RAPGEF6: variants seen among roughly 807,000 people sequenced by gnomAD.
RAPGEF6 encodes Rap guanine nucleotide exchange factor 6, also known as PDZ domain containing guanine nucleotide exchange factor (GEF) 2.
RAPGEF6 carries 56 observed loss-of-function variants against 171.4 expected under a neutral mutation model. The ratio of observed to expected loss-of-function variants is 0.33; its 90% CI spans 0.26 to 0.41. RAPGEF6 has a LOEUF of 0.41. Among genes scored for constraint, RAPGEF6 ranks in the 10% least tolerant of loss-of-function variants. The probability of loss-of-function intolerance (pLI) is 1.00; values close to 1 mark genes in which losing one functional copy is unlikely to be tolerated. For synonymous variants in RAPGEF6, 692 were observed against 650.1 expected (o/e 1.06, Z -0.98); for missense variants, 1,674 against 1,921.4 (o/e 0.87, Z 2.41).
At chr5:131,604,140 T>A (rs2150015898) in intron 2 of RAPGEF6, among the ~76,000 whole-genome samples, 1 of 152,260 alleles carries the variant, frequency 6.6e-6, no homozygotes, top group South Asian at 2.1e-4. Context: ...TTCACTTGTA[T>A]AATACAACAC....
chr5:131,464,116 G>A lies in RAPGEF6; in HGVS notation c.2405C>T (p.Pro802Leu), dbSNP rs768081878. Residue 802 changes from proline to leucine, a missense_variant, in exon 18 of 28, where the codon CCT becomes CTT. Transcript: ENST00000509018. ...TYSLCEVSVT[P>L]EGVIKQRRLP... ...TCTTCTCTGTTTTATGACACCCTCA[G>A]GAGTAACAGAAACTTCACAGAGAGA... is the stretch of plus-strand genomic sequence containing the variant. 6.2e-7 allele frequency: 1 copy of A among 1,613,846 alleles called. No homozygotes were observed. Among genetic ancestry groups the A allele is most frequent in the Non-Finnish European group, 8.5e-7 (1 of 1,179,866 alleles).
At position 131,472,814 on chromosome 5, in the gene RAPGEF6, T is replaced by C. The variant is rs143362365; in HGVS notation, c.2082-70A>G. 1.6e-5 allele frequency: 22 copies of C among 1,371,142 alleles called. No homozygotes were observed. The Middle Eastern group carries it at 7.9e-4, about 49-fold the overall frequency. The allele number at this position is 1,371,142 out of a possible 1,614,324, so 84.9% of individuals were successfully genotyped here. On this transcript the variant is annotated intron_variant, in intron 16 of 27. Coordinates refer to ENST00000509018, the MANE Select transcript of RAPGEF6 (RefSeq NM_016340.6). Reference sequence around the variant, plus strand: ...TTAAGTAGTAAACGTTTCTGTTCCCTGTGCACTAAGGCATAAAAGAACCAA... The same window carrying C: ...TTAAGTAGTAAACGTTTCTGTTCCCCGTGCACTAAGGCATAAAAGAACCAA...
chr5:131,612,171 A>G (rs1208978487), intron 1 of RAPGEF6, among the ~76,000 whole-genome samples: 1 of 147,236 alleles, frequency 6.8e-6, no homozygotes, highest in Admixed American at 6.8e-5. Flanking sequence ...AGTGGCTGGG[A>G]CTACAGGCGT....
intron 27 of RAPGEF6, among the ~76,000 whole-genome samples, chr5:131,428,614 T>C (rs2149803237): frequency 6.6e-6 from 1 of 152,036 alleles, no homozygotes; most frequent in East Asian, 1.9e-4. Context: ...GCATGCGCCA[T>C]AATGCCTGGC....
chr5:131,619,205 A>G (rs1424317551), intron 1 of RAPGEF6, among the ~76,000 whole-genome samples: 1 of 150,726 alleles, frequency 6.6e-6, no homozygotes, highest in Non-Finnish European at 1.5e-5. Flanking sequence ...TCAGCAAACT[A>G]ACACAGGAAC....
At chr5:131,594,696 T>G (rs754894297) in intron 3 of RAPGEF6, among the ~76,000 whole-genome samples, 1 of 152,232 alleles carries the variant, frequency 6.6e-6, no homozygotes, top group Non-Finnish European at 1.5e-5. Context: ...GGGGCAGAGC[T>G]GCTCAAGGCC....
chr5:131,427,058 T>A lies in RAPGEF6; in HGVS notation c.*208A>T, dbSNP rs143968449. The A allele has an allele frequency of 8.3e-6, 5 of 600,110 alleles. No individual in the cohort carries two copies. The highest frequency in any genetic ancestry group is 1.5e-5 in the Non-Finnish European group (5 of 341,042). The allele number at this position is 600,110 out of a possible 1,614,324, so 37.2% of individuals were successfully genotyped here. ...TGGAGACTGGTATCCAGGCATAGCA[T>A]CCATTGCTCAGGAAACTATTTATCT... On this transcript the variant is annotated 3_prime_UTR_variant, in exon 28 of 28. Coordinates refer to ENST00000509018, the MANE Select transcript of RAPGEF6 (RefSeq NM_016340.6).
chr5:131,512,491 T>C (rs997826549), intron 7 of RAPGEF6, among the ~76,000 whole-genome samples: 7 of 151,958 alleles, frequency 4.6e-5, no homozygotes, highest in African/African-American at 1.7e-4. Flanking sequence ...CACTGGCCTT[T>C]TGGCTTTTGT....
intron 21 of RAPGEF6, among the ~76,000 whole-genome samples, chr5:131,450,979 T>C (rs989767617): frequency 2.0e-5 from 3 of 152,194 alleles, no homozygotes; most frequent in Non-Finnish European, 4.4e-5. Context: ...AAATTCATCA[T>C]GTCTTCAGGA....
chr5:131,628,153 G>A (rs144180925), intron 1 of RAPGEF6, among the ~76,000 whole-genome samples: 114 of 152,218 alleles, frequency 7.5e-4, no homozygotes, highest in South Asian at 6.2e-3. Context: ...AGCTAGAAAT[G>A]ATTAAACTTA....
At chr5:131,585,321 CATACATACATACATAT>C (rs1388812528) in intron 4 of RAPGEF6, among the ~76,000 whole-genome samples, 74 of 147,516 alleles carry the variant, frequency 5.0e-4, no homozygotes, top group African/African-American at 1.9e-3. Context: ...TACATACATA[CATACATACATACATAT>C]ATATCTCCAT....
At chr5:131,495,049 C>T (rs919356054) in intron 13 of RAPGEF6, among the ~76,000 whole-genome samples, 1 of 152,138 alleles carries the variant, frequency 6.6e-6, no homozygotes, top group African/African-American at 2.4e-5. Context: ...AATCTCAGCA[C>T]TCTGGAAGGC....
In RAPGEF6 at chr5:131,608,732, T is replaced by C. The variant is rs559383067; in HGVS notation, c.70-4039A>G. Among the ~76,000 whole-genome samples the C allele has an allele frequency of 1.4e-4, 21 of 152,226 alleles. No individual in the cohort carries two copies. The East Asian group carries it at 2.3e-3, about 17-fold the overall frequency. On this transcript the variant is annotated intron_variant, in intron 1 of 27. Coordinates refer to ENST00000509018, the MANE Select transcript of RAPGEF6 (RefSeq NM_016340.6). ...GAGTTCTCACTCTCACAGAAACCAA[T>C]TGGTTCCCCCGAGAGAGGGTTGTTA... is the stretch of plus-strand genomic sequence containing the variant.
chr5:131,499,785 A>G (rs1580923959), intron 11 of RAPGEF6, among the ~76,000 whole-genome samples: 1 of 152,316 alleles, frequency 6.6e-6, no homozygotes, highest in East Asian at 1.9e-4. Context: ...TCATCCAAAC[A>G]ATTTCATTGT....
intron 6 of RAPGEF6, among the ~76,000 whole-genome samples, chr5:131,533,873 T>G (rs1372959774): frequency 6.6e-6 from 1 of 152,090 alleles, no homozygotes; most frequent in Non-Finnish European, 1.5e-5. Context: ...GCCCCATTTT[T>G]CTATAGAAAT....
intron 15 of RAPGEF6, among the ~76,000 whole-genome samples, chr5:131,484,950 CAG>C (rs571747396): frequency 7.0e-4 from 107 of 152,224 alleles, no homozygotes; most frequent in South Asian, 6.6e-3. Context: ...GGTTTAGAGA[CAG>C]AGTCTTGCTC....
At chr5:131,471,335 C>G (rs1214023381) in intron 17 of RAPGEF6, among the ~76,000 whole-genome samples, 1 of 152,144 alleles carries the variant, frequency 6.6e-6, no homozygotes, top group Non-Finnish European at 1.5e-5. Flanking sequence ...AGGAAGAAAC[C>G]ATGTGCAGAA....
At position 131,423,993 on chromosome 5, in the gene RAPGEF6, C is replaced by T. The variant is rs896928107; in HGVS notation, c.*3273G>A. The T allele has an allele frequency of 6.6e-6, 1 of 152,368 alleles. No individual in the cohort carries two copies. The highest frequency in any genetic ancestry group is 1.9e-4 in the East Asian group (1 of 5,302). 9.4% of individuals were successfully genotyped at this position (152,368 alleles called of 1,614,324 possible). On this transcript the variant is annotated 3_prime_UTR_variant, in exon 28 of 28. Transcript: ENST00000509018. Reference sequence around the variant, plus strand: ...TAATAATAAATGGTATTTTTACATTCTCTTAACCAAAAATATAACAAATAT... The same window carrying T: ...TAATAATAAATGGTATTTTTACATTTTCTTAACCAAAAATATAACAAATAT...
intron 1 of RAPGEF6, among the ~76,000 whole-genome samples, chr5:131,631,858 C>T (rs181672332): frequency 5.1e-4 from 78 of 152,198 alleles, no homozygotes; most frequent in African/African-American, 1.8e-3. Flanking sequence ...GGGCAGATCA[C>T]GAGGACAAGA....
Sources: gnomAD v4.1 joint callset for allele counts (sites outside exome capture counted in the v4.1 genomes callset) on GRCh38, gnomAD v4.1.1 for gene constraint, MANE v1.5 for transcripts, NCBI Gene and HGNC (gene_info 2026-07-23, HGNC 2026-07-21) for gene names.